CHN2: variants seen among roughly 807,000 people sequenced by gnomAD.
CHN2 encodes beta-chimaerin.
CHN2 carries 35 observed loss-of-function variants against 56.3 expected under a neutral mutation model. The observed-to-expected ratio is 0.62, with a 90% CI of 0.47 to 0.82. The LOEUF is 0.82. Ranked by LOEUF, CHN2 falls within the 40% of genes least tolerant of loss-of-function variation. The pLI is 0.00. For missense variants in CHN2, 491 were observed against 580.5 expected, an observed-to-expected ratio of 0.85 and a Z score of 1.58; for synonymous variants, 210 against 212.8, an observed-to-expected ratio of 0.99 and a Z score of 0.12.
chr7:29,321,574 T>TC (rs1795360448), intron 1 of CHN2, among the ~76,000 whole-genome samples: 3 of 143,408 alleles, frequency 2.1e-5, no homozygotes, highest in Admixed American at 2.1e-4. Context: ...TTCTTTCTTT[T>TC]TTTTTTTTTT....
At chr7:29,252,584 T>TTTTTTTTTTTTTGTTTTG (rs1788684277) in intron 1 of CHN2, among the ~76,000 whole-genome samples, 1 of 22,428 alleles carries the variant, frequency 4.5e-5, no homozygotes, top group Non-Finnish European at 7.3e-5. Flanking sequence ...CTTTGTTTTT[T>TTTTTTTTTTTTTGTTTTG]TTTTTTTTTT....
intron 1 of CHN2, among the ~76,000 whole-genome samples, chr7:29,234,321 T>G (rs1221046267): frequency 6.6e-6 from 1 of 152,192 alleles, no homozygotes; most frequent in Non-Finnish European, 1.5e-5. Flanking sequence ...AGGGCAGATT[T>G]TCATTATGGT....
chr7:29,190,288 C>G (rs193035241), upstream of CHN2, among the ~76,000 whole-genome samples: 206 of 152,282 alleles, frequency 1.4e-3, 1 homozygote, highest in African/African-American at 4.5e-3. Flanking sequence ...ATATTTAAAG[C>G]TAGTTGACGA....
chr7:29,370,029 G>A (rs1445726913), intron 3 of CHN2, among the ~76,000 whole-genome samples: 3 of 152,182 alleles, frequency 2.0e-5, no homozygotes, highest in Non-Finnish European at 4.4e-5. Flanking sequence ...GCAGCATGGG[G>A]CCCATCTAGC....
At chr7:29,499,748 G>A in intron 8 of CHN2, 119 bp from the exon 9 acceptor site, 2 of 867,502 alleles carry the variant, frequency 2.3e-6, no homozygotes, top group Non-Finnish European at 3.5e-6. Context: ...CGGGATAGAT[G>A]TTCCAGAGAA....
intron 2 of CHN2, among the ~76,000 whole-genome samples, chr7:29,172,373 G>A (rs756947464): frequency 6.6e-6 from 1 of 152,100 alleles, no homozygotes; most frequent in Non-Finnish European, 1.5e-5. Flanking sequence ...GCTCACCCTT[G>A]GTTATGATAG....
chr7:29,355,193 A>G (rs1045860861), intron 2 of CHN2, among the ~76,000 whole-genome samples: 5 of 151,584 alleles, frequency 3.3e-5, no homozygotes, highest in Non-Finnish European at 7.4e-5. Context: ...ATGGTCTCGA[A>G]CTCCCGACCT....
In CHN2 at chr7:29,452,749, A is replaced by ATGAAAC. The variant is rs763945311; in HGVS notation, c.577-27530_577-27529insTGAAAC. Among the ~76,000 whole-genome samples the ATGAAAC allele has an allele frequency of 3.6e-3, 552 of 152,366 alleles. 2 individuals carry two copies. The highest frequency in any genetic ancestry group is 0.014 in the Middle Eastern group (4 of 294). ...TAATTTGATATAAAGCTGAATTGTCAATAGCATGAAACATTTTATAGGAAG... is the reference window on the plus strand; with the variant it reads ...TAATTTGATATAAAGCTGAATTGTCATGAAACATAGCATGAAACATTTTATAGGAAG... On this transcript the variant is annotated intron_variant, in intron 6 of 12. Coordinates refer to ENST00000222792, the MANE Select transcript of CHN2 (RefSeq NM_004067.4).
chr7:29,501,133 C>G (rs1789925381), intron 9 of CHN2, among the ~76,000 whole-genome samples: 1 of 151,994 alleles, frequency 6.6e-6, no homozygotes, highest in South Asian at 2.1e-4. Context: ...TTCCAAAGCA[C>G]AACTAAAGAG....
intron 7 of CHN2, among the ~76,000 whole-genome samples, chr7:29,492,465 G>T (rs1304658414): frequency 2.0e-5 from 3 of 151,804 alleles, no homozygotes; most frequent in Admixed American, 6.6e-5. Context: ...AATATATATT[G>T]CTTCCACAGA....
chr7:29,433,002 C>T (rs1782958998), intron 6 of CHN2, among the ~76,000 whole-genome samples: 2 of 152,128 alleles, frequency 1.3e-5, no homozygotes, highest in South Asian at 4.1e-4. Flanking sequence ...AAATGGTTAC[C>T]AAAAAGAATT....
chr7:29,470,764 G>C (rs1183235705), intron 6 of CHN2, among the ~76,000 whole-genome samples: 1 of 152,214 alleles, frequency 6.6e-6, no homozygotes, highest in East Asian at 1.9e-4. Context: ...CCCTGAGTGA[G>C]CGGAGCTTGA....
chr7:29,494,776 A>G (rs1266967005), intron 7 of CHN2, among the ~76,000 whole-genome samples: 1 of 152,008 alleles, frequency 6.6e-6, no homozygotes, highest in Non-Finnish European at 1.5e-5. Flanking sequence ...TGGTTTCCTT[A>G]GAAGAGATCC....
chr7:29,193,778 T>C (rs1234356344), upstream of CHN2: 1 of 152,264 alleles, frequency 6.6e-6, no homozygotes, highest in Non-Finnish European at 1.5e-5. Flanking sequence ...TTAAGTCTTT[T>C]GTGAGAATCT....
chr7:29,195,623 A>AGTGTGT (rs1321934892), intron 1 of CHN2, among the ~76,000 whole-genome samples: 1 of 128,118 alleles, frequency 7.8e-6, no homozygotes, highest in African/African-American at 3.4e-5. Flanking sequence ...AGAGAGAGAG[A>AGTGTGT]GAGAGAGTGT....
chr7:29,451,658 A>T (rs1784413349), intron 6 of CHN2, among the ~76,000 whole-genome samples: 1 of 152,218 alleles, frequency 6.6e-6, no homozygotes, highest in Non-Finnish European at 1.5e-5. Context: ...TTTATTCCAA[A>T]TGTAGAGAAT....
intron 1 of CHN2, among the ~76,000 whole-genome samples, chr7:29,279,429 G>A (rs539711369): frequency 6.6e-6 from 1 of 152,376 alleles, no homozygotes; most frequent in South Asian, 2.1e-4. Context: ...TAGTTGTTTA[G>A]ACATTGGAAT....
At chr7:29,454,793 A>C (rs909972375) in intron 6 of CHN2, among the ~76,000 whole-genome samples, 3 of 152,218 alleles carry the variant, frequency 2.0e-5, no homozygotes, top group Non-Finnish European at 4.4e-5. Flanking sequence ...GACTACGTGC[A>C]TTTGTCAAAA....
At chr7:29,473,452 T>C (rs1690269068) in intron 6 of CHN2, among the ~76,000 whole-genome samples, 1 of 144,794 alleles carries the variant, frequency 6.9e-6, no homozygotes, top group Non-Finnish European at 1.5e-5. Flanking sequence ...CATGGGGTGT[T>C]TGTGTGTGTG....
Sources: gnomAD v4.1 joint callset for allele counts (sites outside exome capture counted in the v4.1 genomes callset) on GRCh38, gnomAD v4.1.1 for gene constraint, MANE v1.5 for transcripts, NCBI Gene and HGNC (gene_info 2026-07-23, HGNC 2026-07-21) for gene names.